DPH6: variants seen among roughly 807,000 people sequenced by gnomAD.
DPH6 encodes the protein diphthine--ammonia ligase.
DPH6 carries 33 observed loss-of-function variants against 38.2 expected under a neutral mutation model. That is an observed-to-expected ratio of 0.86 (90% confidence interval 0.65 to 1.15). DPH6 has a LOEUF of 1.15. Ranked by LOEUF, DPH6 falls within the 50% of genes most tolerant of loss-of-function variation. DPH6 has a pLI of 0.00. For synonymous variants in DPH6, 108 were observed against 103.0 expected (o/e 1.05, Z -0.30); for missense variants, 325 against 320.0 (o/e 1.02, Z -0.12).
At chr15:35,492,717 T>C (rs940475684) in intron 3 of DPH6, among the ~76,000 whole-genome samples, 4 of 152,198 alleles carry the variant, frequency 2.6e-5, no homozygotes, top group African/African-American at 7.2e-5. Flanking sequence ...TTTTCTATTT[T>C]TTATTCCTAT....
At chr15:35,177,580 C>CAA in the DPH6 span, among the ~76,000 whole-genome samples, 3,078 of 60,152 alleles carry the variant, frequency 0.051, 258 homozygotes, top group East Asian at 0.38. Context: ...ATCCCATCTC[C>CAA]AAAAAAAAAA....
intron 5 of DPH6, among the ~76,000 whole-genome samples, chr15:35,438,720 A>G (rs1037524472): frequency 2.6e-5 from 4 of 152,208 alleles, no homozygotes; most frequent in Admixed American, 2.6e-4. Flanking sequence ...CACCTAGATC[A>G]AATATCTTTT....
chr15:35,462,453 A>G (rs2054077447), intron 3 of DPH6, among the ~76,000 whole-genome samples: 1 of 152,166 alleles, frequency 6.6e-6, no homozygotes, highest in Non-Finnish European at 1.5e-5. Flanking sequence ...TGCACTCCCA[A>G]GTATACTCCA....
chr15:35,428,291 T>C (rs2053593261), intron 5 of DPH6, among the ~76,000 whole-genome samples: 1 of 152,078 alleles, frequency 6.6e-6, no homozygotes, highest in Non-Finnish European at 1.5e-5. Flanking sequence ...TGGATCAAAC[T>C]ACTTCTAAAA....
intron 3 of DPH6, among the ~76,000 whole-genome samples, chr15:35,313,009 C>G (rs375404125): frequency 6.6e-6 from 1 of 152,176 alleles, no homozygotes; most frequent in South Asian, 2.1e-4. Context: ...GGGTGGATCA[C>G]TTGAGGTCAG....
In DPH6 at chr15:35,402,228, T is replaced by C. The variant is rs141824142; in HGVS notation, c.567+8607A>G. 4.1e-3 allele frequency among the ~76,000 whole-genome samples: 629 copies of C among 152,282 alleles called. 9 individuals are homozygous for C. The highest frequency in any genetic ancestry group is 0.014 in the African/African-American group (597 of 41,554). On this transcript the variant is annotated intron_variant, in intron 6 of 8. Transcript: ENST00000256538. ...TATTTGGAATTTATATACAACCTGC[T>C]TGTGTGGAGAAGCCATTGTCTTCAG...
In DPH6 at chr15:35,282,863, T is replaced by G; in HGVS notation, n.201-62281A>C. 3 of 341,234 alleles carry G rather than the reference T, an allele frequency of 8.8e-6. No individual in the cohort carries two copies. In the South Asian group the frequency reaches 9.3e-5, roughly 11 times the overall value. The allele number at this position is 341,234 out of a possible 1,614,324, so 21.1% of individuals were successfully genotyped here. ...AGCCTGGTTGTGGGCCAGCTTAAGG[T>G]GGATGAAGACCCCATCGGGGGGTTC... On this transcript the variant is annotated intron_variant and non_coding_transcript_variant, in intron 3 of 3. Transcript: ENST00000560386.
chr15:35,496,567 A>AATATATTTATATATATATATATATATAT (rs2054559543), intron 3 of DPH6, among the ~76,000 whole-genome samples: 1 of 31,016 alleles, frequency 3.2e-5, no homozygotes, highest in Non-Finnish European at 5.3e-5. Flanking sequence ...AAAAAAAAAA[A>AATATATTTATATATATATATATATATAT]ATATATATAT....
At position 35,515,946 on chromosome 15, in the gene DPH6, C is replaced by T. The variant is rs531889913; in HGVS notation, c.312+22328G>A. ...TGGTGATACGTCCGTTTTGTGCCCACAAAACTTTCCTAGTTAAGAAGTTTT... is the reference window on the plus strand; with the variant it reads ...TGGTGATACGTCCGTTTTGTGCCCATAAAACTTTCCTAGTTAAGAAGTTTT... On this transcript the variant is annotated intron_variant, in intron 3 of 8. Transcript: ENST00000256538. Among the ~76,000 whole-genome samples, 17 of 152,088 alleles carry T rather than the reference C, an allele frequency of 1.1e-4. 2 individuals are homozygous for T. In the South Asian group the frequency reaches 3.1e-3, roughly 28 times the overall value.
the DPH6 span, among the ~76,000 whole-genome samples, chr15:35,202,819 A>AATTATTATTAT: frequency 1.3e-5 from 2 of 151,678 alleles, no homozygotes; most frequent in Admixed American, 1.3e-4. Context: ...CTTGTTCAGC[A>AATTATTATTAT]ATTATTATTA....
At position 35,237,711 on chromosome 15, in the gene DPH6, A is replaced by G. The variant is rs894764231; in HGVS notation, n.201-17129T>C. On this transcript the variant is annotated intron_variant and non_coding_transcript_variant, in intron 3 of 3. Transcript: ENST00000560386. ...TTCAATTGCGAGGTAACCAACCTGAACGACTACCGAGAAAATGTGTTCAAG... is the reference window on the plus strand; with the variant it reads ...TTCAATTGCGAGGTAACCAACCTGAGCGACTACCGAGAAAATGTGTTCAAG... The G allele has an allele frequency of 5.0e-6, 8 of 1,613,744 alleles. No individual in the cohort carries two copies. The African/African-American group carries it at 8.0e-5, about 16-fold the overall frequency.
At position 35,491,488 on chromosome 15, in the gene DPH6, G is replaced by T. The variant is rs1053284070; in HGVS notation, c.313-36668C>A. 4.7e-5 allele frequency among the ~76,000 whole-genome samples: 7 copies of T among 148,852 alleles called. No homozygotes were observed. In the South Asian group the frequency reaches 1.5e-3, roughly 32 times the overall value. Reference sequence around the variant, plus strand: ...TCGGTTAATCATCTGACCTGCCATGGTTAACACAAATATAAGGTTATATTA... The same window carrying T: ...TCGGTTAATCATCTGACCTGCCATGTTTAACACAAATATAAGGTTATATTA... On this transcript the variant is annotated intron_variant, in intron 3 of 8. Coordinates refer to ENST00000256538, the MANE Select transcript of DPH6 (RefSeq NM_080650.4).
downstream of DPH6, among the ~76,000 whole-genome samples, chr15:35,330,176 A>G (rs948750939): frequency 6.6e-6 from 1 of 152,164 alleles, no homozygotes; most frequent in Non-Finnish European, 1.5e-5. Flanking sequence ...ACAAAATGCT[A>G]AAGCTTCTTT....
At chr15:35,266,017 G>A (rs2051782141) in intron 3 of DPH6, among the ~76,000 whole-genome samples, 2 of 152,070 alleles carry the variant, frequency 1.3e-5, no homozygotes, top group Non-Finnish European at 2.9e-5. Flanking sequence ...TCTTACATGT[G>A]TCCTTTACAA....
At chr15:35,291,829 T>G (rs368513930) in intron 3 of DPH6, among the ~76,000 whole-genome samples, 2 of 152,142 alleles carry the variant, frequency 1.3e-5, no homozygotes, top group Admixed American at 6.5e-5. Context: ...TCTTGAGAGA[T>G]ATATATTTTT....
At chr15:35,493,718 T>A (rs1304837911) in intron 3 of DPH6, among the ~76,000 whole-genome samples, 4 of 152,124 alleles carry the variant, frequency 2.6e-5, no homozygotes, top group Non-Finnish European at 4.4e-5. Flanking sequence ...ATCAAGAGCA[T>A]GTGAACTGGT....
intron 3 of DPH6, among the ~76,000 whole-genome samples, chr15:35,508,655 G>T (rs1205030086): frequency 6.6e-6 from 1 of 151,954 alleles, no homozygotes; most frequent in Non-Finnish European, 1.5e-5. Flanking sequence ...TTAGCAATAG[G>T]ATACACATGA....
At chr15:35,541,804 A>G (rs1427376881) in intron 2 of DPH6, among the ~76,000 whole-genome samples, 1 of 152,108 alleles carries the variant, frequency 6.6e-6, no homozygotes, top group Non-Finnish European at 1.5e-5. Context: ...ATAATTGGGG[A>G]TATTTCATTG....
intron 7 of DPH6, among the ~76,000 whole-genome samples, chr15:35,381,531 GAAAGGATA>G (rs2052864976): frequency 6.6e-6 from 1 of 152,190 alleles, no homozygotes; most frequent in Admixed American, 6.5e-5. Context: ...CACACTTCAT[GAAAGGATA>G]AAAGTGTCGG....
Sources: gnomAD v4.1 joint callset for allele counts (sites outside exome capture counted in the v4.1 genomes callset) on GRCh38, gnomAD v4.1.1 for gene constraint, MANE v1.5 for transcripts, NCBI Gene and HGNC (gene_info 2026-07-23, HGNC 2026-07-21) for gene names.